The following MYO3B variants were observed in gnomAD, a reference collection of about 807,000 sequenced individuals.
MYO3B encodes the protein myosin IIIB.
A neutral mutation model predicts 174.6 loss-of-function variants in MYO3B; 156 were observed. The observed-to-expected ratio is 0.89, with a 90% CI of 0.78 to 1.02. MYO3B has a LOEUF of 1.02. Ranked by LOEUF, MYO3B falls within the 50% of genes least tolerant of loss-of-function variation. The pLI, the probability that MYO3B is intolerant of heterozygous loss-of-function variation, is 0.00. For synonymous variants in MYO3B, 563 were observed against 569.1 expected (o/e 0.99, Z 0.15); for missense variants, 1,632 against 1,639.4 (o/e 1.00, Z 0.08).
intron 22 of MYO3B, among the ~76,000 whole-genome samples, chr2:170,434,436 G>A (rs1329180550): frequency 6.6e-6 from 1 of 152,218 alleles, no homozygotes; most frequent in Non-Finnish European, 1.5e-5. Context: ...ACTTGGACAA[G>A]GGAGGGGAAG....
At chr2:170,227,787 A>T (rs772674543) in intron 6 of MYO3B, among the ~76,000 whole-genome samples, 4 of 152,074 alleles carry the variant, frequency 2.6e-5, no homozygotes, top group Non-Finnish European at 4.4e-5. Context: ...TGTTTTTCAG[A>T]TGTGTCATGA....
At chr2:170,619,737 C>CTTTTTTTTTTTTTTTTTTTTTTTTTT (rs71412032) in intron 32 of MYO3B, among the ~76,000 whole-genome samples, 3 of 50,778 alleles carry the variant, frequency 5.9e-5, no homozygotes, top group African/African-American at 8.3e-5. Flanking sequence ...CTGCCATATT[C>CTTTTTTTTTTTTTTTTTTTTTTTTTT]TTTTTTTTTT....
At chr2:170,572,815 C>T (rs1182260911) in intron 32 of MYO3B, among the ~76,000 whole-genome samples, 3 of 152,088 alleles carry the variant, frequency 2.0e-5, no homozygotes, top group African/African-American at 4.8e-5. Flanking sequence ...ATCAAATGCA[C>T]AATGTAATAT....
intron 6 of MYO3B, among the ~76,000 whole-genome samples, chr2:170,227,974 C>T (rs1168990678): frequency 6.6e-6 from 1 of 152,078 alleles, no homozygotes; most frequent in Non-Finnish European, 1.5e-5. Context: ...TGTAGAGGTT[C>T]TCCTTGTCCT....
intron 7 of MYO3B, among the ~76,000 whole-genome samples, chr2:170,324,467 C>G (rs1274466352): frequency 1.3e-5 from 2 of 152,164 alleles, no homozygotes; most frequent in Non-Finnish European, 2.9e-5. Flanking sequence ...CTTTATCTCT[C>G]AAATATATGC....
intron 6 of MYO3B, among the ~76,000 whole-genome samples, chr2:170,224,590 G>A (rs2092932500): frequency 6.6e-6 from 1 of 151,956 alleles, no homozygotes; most frequent in South Asian, 2.1e-4. Flanking sequence ...TAATTTATAG[G>A]TTGACTACAC....
At chr2:170,438,564 T>C (rs1410532491) in intron 22 of MYO3B, among the ~76,000 whole-genome samples, 1 of 152,226 alleles carries the variant, frequency 6.6e-6, no homozygotes. Flanking sequence ...CAGAGAGTTC[T>C]AATTTCTCTA....
At chr2:170,378,874 A>C (rs2094313783) in intron 9 of MYO3B, among the ~76,000 whole-genome samples, 1 of 152,186 alleles carries the variant, frequency 6.6e-6, no homozygotes, top group African/African-American at 2.4e-5. Flanking sequence ...AAGGAAAAAA[A>C]AGCCTGGAAA....
chr2:170,240,094 C>G (rs1276992565), intron 7 of MYO3B, among the ~76,000 whole-genome samples: 2 of 152,126 alleles, frequency 1.3e-5, no homozygotes, highest in African/African-American at 4.8e-5. Context: ...AGACTTAGGG[C>G]TTATCCTAAT....
intron 22 of MYO3B, among the ~76,000 whole-genome samples, chr2:170,432,040 G>C (rs147289719): frequency 5.9e-5 from 9 of 152,334 alleles, no homozygotes; most frequent in Non-Finnish European, 1.3e-4. Flanking sequence ...AACAGATACA[G>C]TTATGTGCAG....
intron 12 of MYO3B, 36 bp downstream of exon 12, chr2:170,383,850 A>G (rs2094354046): frequency 6.6e-7 from 1 of 1,515,484 alleles, no homozygotes; most frequent in Non-Finnish European, 9.2e-7. Context: ...GGAGTCACCC[A>G]GTTAAGACAT....
At chr2:170,196,273 G>A (rs542756000) in intron 1 of MYO3B, among the ~76,000 whole-genome samples, 2 of 152,274 alleles carry the variant, frequency 1.3e-5, no homozygotes, top group East Asian at 3.9e-4. Flanking sequence ...TTGGGAAGCT[G>A]AGTCAGGAGG....
intron 1 of MYO3B, among the ~76,000 whole-genome samples, chr2:170,198,401 G>A (rs2092624325): frequency 1.3e-5 from 2 of 152,186 alleles, no homozygotes; most frequent in Admixed American, 1.3e-4. Context: ...GAGCTTTGTA[G>A]TGATGAGTGG....
At chr2:170,652,225 C>A in intron 34 of MYO3B, 71 bp downstream of exon 34, 1 of 1,372,588 alleles carries the variant, frequency 7.3e-7, no homozygotes, top group Non-Finnish European at 1.0e-6. Flanking sequence ...ACAGAAAATG[C>A]AAAACTTTCC....
chr2:170,365,494 A>G (rs1157341154), intron 8 of MYO3B, among the ~76,000 whole-genome samples: 2 of 152,200 alleles, frequency 1.3e-5, no homozygotes, highest in Admixed American at 1.3e-4. Context: ...ATGTTTGCTG[A>G]GTAAACGATA....
At chr2:170,477,264 A>G (rs1685374319) in intron 25 of MYO3B, among the ~76,000 whole-genome samples, 1 of 152,012 alleles carries the variant, frequency 6.6e-6, no homozygotes, top group Non-Finnish European at 1.5e-5. Flanking sequence ...TCATCTTTCA[A>G]TCCCCAGTCC....
chr2:170,651,796 ATT>A, intron 33 of MYO3B, 62 bp downstream of exon 33: 1 of 1,422,200 alleles, frequency 7.0e-7, no homozygotes, highest in Non-Finnish European at 9.9e-7. Flanking sequence ...TAATTCTGTT[ATT>A]ACTACCTGTT....
chr2:170,368,386 T>C (rs569183012), intron 8 of MYO3B, among the ~76,000 whole-genome samples: 2 of 152,348 alleles, frequency 1.3e-5, no homozygotes, highest in Non-Finnish European at 2.9e-5. Context: ...AGAAATGTGA[T>C]GGCAGTTGGA....
intron 32 of MYO3B, among the ~76,000 whole-genome samples, chr2:170,557,869 G>A (rs1691434549): frequency 6.6e-6 from 1 of 152,050 alleles, no homozygotes; most frequent in Non-Finnish European, 1.5e-5. Flanking sequence ...TTCCACACGG[G>A]GAGAAGCTCA....
Sources: allele counts gnomAD v4.1 joint callset (sites outside exome capture counted in the v4.1 genomes callset), GRCh38; gene constraint gnomAD v4.1.1; transcripts MANE v1.5; gene names NCBI Gene and HGNC (gene_info 2026-07-23, HGNC 2026-07-21).